TRIP12: variants seen among roughly 807,000 people sequenced by gnomAD.
The protein encoded by TRIP12 is E3 ubiquitin-protein ligase TRIP12.
A neutral mutation model predicts 244.2 loss-of-function variants in TRIP12; 25 were observed. That is an observed-to-expected ratio of 0.10 (90% CI 0.07 to 0.14). The LOEUF is 0.14. TRIP12 is among the 10% of genes least tolerant of loss of function. The probability of loss-of-function intolerance (pLI) is 1.00; values close to 1 mark genes in which losing one functional copy is unlikely to be tolerated. For missense variants in TRIP12, 1,677 were observed against 2,486.4 expected (o/e 0.67, Z 6.92); for synonymous variants, 905 against 873.1 (o/e 1.04, Z -0.64).
In TRIP12 at chr2:229,830,813, C is replaced by T; in HGVS notation, c.1297G>A (p.Gly433Ser). The T allele has an allele frequency of 6.2e-7, 1 of 1,614,058 alleles. No individual in the cohort carries two copies. Among genetic ancestry groups the T allele is most frequent in the Admixed American group, 1.7e-5 (1 of 60,006 alleles). ...AASSSVAGAV[G>S]MTTSGESESD... ...TCACTCTCCCCAGAGGTGGTCATGC[C>T]AACAGCCCCTGCAACAGAACTAGAG... Residue 433 changes from glycine (G) to serine (S), a missense_variant, in exon 7 of 42, where the codon GGC (glycine) becomes AGC (serine). By Grantham distance (56) the Gly-to-Ser change is moderately conservative. Transcript: ENST00000675903.
At chr2:229,857,202 C>T (rs570368472) in intron 4 of TRIP12, among the ~76,000 whole-genome samples, 1 of 152,256 alleles carries the variant, frequency 6.6e-6, no homozygotes, top group Admixed American at 6.5e-5. Flanking sequence ...AAATGTAGAT[C>T]TAAAATCCAT....
Position 229,813,863 on chromosome 2 carries a change from AT to A in TRIP12, c.1986+6del. 2 of 1,494,922 alleles carry A rather than the reference AT, an allele frequency of 1.3e-6. No individual in the cohort carries two copies. The highest frequency in any genetic ancestry group is 1.8e-6 in the Non-Finnish European group (2 of 1,102,406). 92.6% of individuals were successfully genotyped at this position (1,494,922 alleles called of 1,614,324 possible). ...TTTATGGCACATAAAATAGATGCAT[AT>A]TTTACCTGATGTGTTAGCCTTTGGG... On this transcript the variant is annotated splice_donor_region_variant and intron_variant, in intron 13 of 41. Transcript: ENST00000675903.
chr2:229,817,097 T>C (rs898113704), intron 9 of TRIP12, among the ~76,000 whole-genome samples: 2 of 152,192 alleles, frequency 1.3e-5, no homozygotes, highest in Non-Finnish European at 2.9e-5. Flanking sequence ...ACAAGCAGAA[T>C]AAGGATTGTC....
At position 229,766,739 on chromosome 2, in the gene TRIP12, AAG is replaced by A. The variant is rs956072049; in HGVS notation, c.*813_*814del. ...GCTGTAGACTTCTTAACCTTCATAA[AAG>A]AAACAAATGAGCTTTCCTTGTCTCA... On this transcript the variant is annotated 3_prime_UTR_variant, in exon 42 of 42. Transcript: ENST00000675903. The A allele has an allele frequency of 6.6e-6, 1 of 152,220 alleles. No homozygotes were observed. The highest frequency in any genetic ancestry group is 1.5e-5 in the Non-Finnish European group (1 of 68,038). 9.4% of individuals were successfully genotyped at this position (152,220 alleles called of 1,614,324 possible).
intron 37 of TRIP12, among the ~76,000 whole-genome samples, chr2:229,775,405 A>T (rs1033883542): frequency 2.0e-5 from 3 of 150,310 alleles, no homozygotes; most frequent in Non-Finnish European, 4.4e-5. Flanking sequence ...AAAAAAAAAG[A>T]AAGTTCTCCA....
At chr2:229,860,733 G>A (rs966475423) in intron 2 of TRIP12, among the ~76,000 whole-genome samples, 5 of 149,424 alleles carry the variant, frequency 3.3e-5, no homozygotes, top group African/African-American at 4.9e-5. Context: ...AACCACCCCC[G>A]CCCCGCAATA....
intron 1 of TRIP12, among the ~76,000 whole-genome samples, chr2:229,914,822 G>C (rs1199723955): frequency 6.6e-6 from 1 of 152,090 alleles, no homozygotes; most frequent in Non-Finnish European, 1.5e-5. Flanking sequence ...CTTATAAATA[G>C]CCTTCAAAAA....
Position 229,789,640 on chromosome 2 carries a change from T to C in TRIP12, c.4666A>G (p.Ile1556Val). ...VILLLRVLHA[I>V]SRYWYYLYDN... is the part of the protein sequence containing the mutation. ...TACAAGTAATACCAGTATCGACTGATAGCATGTAAAACTCTTAAAAGAAGG... is the reference window on the plus strand; with the variant it reads ...TACAAGTAATACCAGTATCGACTGACAGCATGTAAAACTCTTAAAAGAAGG... The change falls in exon 31 of 42, where the codon ATC becomes GTC. Residue 1556 changes from isoleucine to valine, a missense_variant. By Grantham distance (29) the Ile-to-Val change is conservative. This residue lies in a region of TRIP12 where 265 missense variants were observed against 370.8 expected (regional missense o/e 0.71). Transcript: ENST00000675903. 3 of 1,614,008 alleles carry C rather than the reference T, an allele frequency of 1.9e-6. No individual in the cohort carries two copies. Among genetic ancestry groups the C allele is most frequent in the Middle Eastern group, 1.7e-4 (1 of 6,058 alleles).
rs2043459701 is a variant in TRIP12, at chr2:229,798,806, C to A, written c.3482+69G>T. On this transcript the variant is annotated intron_variant, in intron 23 of 41. Transcript: ENST00000675903. ...GTATCGTCTCCACACAATAAACGTA[C>A]TGGCTGAAATAATGTTTAAGTTTTT... The A allele has an allele frequency of 2.0e-6, 3 of 1,535,354 alleles. No individual in the cohort carries two copies. The South Asian group carries it at 3.6e-5, about 18-fold the overall frequency.
chr2:229,820,048 G>GTGACA (rs2049623056), intron 8 of TRIP12, among the ~76,000 whole-genome samples: 1 of 152,174 alleles, frequency 6.6e-6, no homozygotes, highest in South Asian at 2.1e-4. Context: ...ACCAATTTTA[G>GTGACA]TGACAGCAGG....
At chr2:229,843,583 A>C (rs2056963317) in intron 4 of TRIP12, among the ~76,000 whole-genome samples, 1 of 152,126 alleles carries the variant, frequency 6.6e-6, no homozygotes, top group Non-Finnish European at 1.5e-5. Context: ...CCAAAACAAC[A>C]AACAAAAAAC....
At chr2:229,806,916 C>T (rs2154275011) in intron 17 of TRIP12, among the ~76,000 whole-genome samples, 1 of 152,332 alleles carries the variant, frequency 6.6e-6, no homozygotes, top group South Asian at 2.1e-4. Context: ...TAAATTCTTA[C>T]AGGTGTCTCA....
intron 5 of TRIP12, among the ~76,000 whole-genome samples, chr2:229,840,517 C>T (rs2056133516): frequency 6.6e-6 from 1 of 152,040 alleles, no homozygotes; most frequent in Admixed American, 6.6e-5. Flanking sequence ...GCCTGGCCAA[C>T]ATGGTGAAAC....
intron 2 of TRIP12, among the ~76,000 whole-genome samples, chr2:229,865,100 G>T (rs1043241845): frequency 2.6e-5 from 4 of 151,976 alleles, no homozygotes; most frequent in African/African-American, 9.7e-5. Flanking sequence ...CTTGAGCTCA[G>T]GAGTTCAAAC....
intron 2 of TRIP12, among the ~76,000 whole-genome samples, chr2:229,871,340 T>C (rs976153975): frequency 6.6e-6 from 1 of 152,242 alleles, no homozygotes; most frequent in African/African-American, 2.4e-5. Context: ...GGTTTATATG[T>C]TTGTCCCATC....
intron 1 of TRIP12, among the ~76,000 whole-genome samples, chr2:229,887,508 A>C (rs772822626): frequency 3.3e-5 from 5 of 152,222 alleles, no homozygotes; most frequent in Non-Finnish European, 7.3e-5. Context: ...TCAAGTAGAA[A>C]GCTACCAAAC....
intron 2 of TRIP12, among the ~76,000 whole-genome samples, chr2:229,864,047 A>AGAGAGAGTGTGT: frequency 4.4e-4 from 35 of 79,302 alleles, no homozygotes; most frequent in Non-Finnish European, 6.1e-4. Flanking sequence ...AGAGAGAGAG[A>AGAGAGAGTGTGT]GTGTGTGTGT....
At position 229,767,264 on chromosome 2, in the gene TRIP12, T is replaced by A; in HGVS notation, c.*290A>T. The A allele has an allele frequency of 3.5e-6, 1 of 283,984 alleles. No homozygotes were observed. Among genetic ancestry groups the A allele is most frequent in the Non-Finnish European group, 6.5e-6 (1 of 154,218 alleles). 17.6% of individuals were successfully genotyped at this position (283,984 alleles called of 1,614,324 possible). A position where few individuals can be genotyped will look rare whatever the true frequency, so the allele number is the denominator to read the frequency against. ...CCAGCCTGGAAAAACATCCCTTTTT[T>A]AAATTTCACACAGCAAAGCATGTTA... On this transcript the variant is annotated 3_prime_UTR_variant, in exon 42 of 42. Coordinates refer to ENST00000675903, the MANE Select transcript of TRIP12 (RefSeq NM_001348323.3).
At chr2:229,848,591 A>G (rs774482453) in intron 4 of TRIP12, among the ~76,000 whole-genome samples, 1 of 152,204 alleles carries the variant, frequency 6.6e-6, no homozygotes, top group Non-Finnish European at 1.5e-5. Flanking sequence ...ACCATTTAAG[A>G]GGACAAGCAC....
Sources: gnomAD v4.1 joint callset for allele counts (sites outside exome capture counted in the v4.1 genomes callset) on GRCh38, gnomAD v4.1.1 for gene constraint, gnomAD v4.1.1 regional missense constraint, MANE v1.5 for transcripts, NCBI Gene and HGNC (gene_info 2026-07-23, HGNC 2026-07-21) for gene names.